Variants in PPP2R2B observed in about 807,000 individuals in gnomAD.
PPP2R2B encodes the protein serine/threonine-protein phosphatase 2A 55 kDa regulatory subunit B beta isoform.
In PPP2R2B, 5 loss-of-function variants were observed where a neutral mutation model predicts 46.0. The ratio of observed to expected loss-of-function variants is 0.11; its 90% confidence interval spans 0.06 to 0.23. The LOEUF is 0.23. Ranked by LOEUF, PPP2R2B falls within the 10% of genes least tolerant of loss-of-function variation. The pLI is 1.00. For synonymous variants in PPP2R2B, 215 were observed against 206.7 expected (o/e 1.04, Z -0.34); for missense variants, 367 against 575.0 (o/e 0.64, Z 3.70).
At chr5:147,018,808 G>A (rs552664200) in intron 1 of PPP2R2B, among the ~76,000 whole-genome samples, 1 of 152,092 alleles carries the variant, frequency 6.6e-6, no homozygotes, top group Non-Finnish European at 1.5e-5. Context: ...TCCTCCTGGT[G>A]CCAGACCCAA....
At chr5:147,062,366 C>T (rs1757284736) in intron 2 of PPP2R2B, among the ~76,000 whole-genome samples, 1 of 152,174 alleles carries the variant, frequency 6.6e-6, no homozygotes, top group Admixed American at 6.6e-5. Flanking sequence ...ATAAGAGCAA[C>T]CACCAAATCT....
At chr5:146,806,095 C>A (rs1004540763) in intron 2 of PPP2R2B, among the ~76,000 whole-genome samples, 1 of 152,122 alleles carries the variant, frequency 6.6e-6, no homozygotes, top group African/African-American at 2.4e-5. Flanking sequence ...TGGTGGATGA[C>A]AAAATGAACT....
chr5:146,691,136 T>C lies in PPP2R2B; in HGVS notation c.439A>G (p.Thr147Ala). 1 of 1,613,890 alleles carries C rather than the reference T, an allele frequency of 6.2e-7. No individual in the cohort carries two copies. Residue 147 changes from threonine (T) to alanine (A), a missense_variant, in exon 5 of 10, where the codon ACC (threonine) becomes GCC (alanine). Transcript: ENST00000394411. The part of the protein sequence containing the change: ...GRLRDPATIT[T>A]LRVPVLRPMD... ...CAGCTGTTTGCACTCACCCGCAGGG[T>C]TGTGATGGTGGCAGGATCCCGGAGC...
Position 146,589,148 on chromosome 5 carries a change from G to A in PPP2R2B, c.*799C>T, listed in dbSNP as rs1230240028. ...GGAACATGTAAGTAGAAGATTATATGGAGCCATTTAAGAGCACAAAAAGCA... is the reference window on the plus strand; with the variant it reads ...GGAACATGTAAGTAGAAGATTATATAGAGCCATTTAAGAGCACAAAAAGCA... On this transcript the variant is annotated 3_prime_UTR_variant, in exon 10 of 10. Coordinates refer to ENST00000394411, the MANE Select transcript of PPP2R2B (RefSeq NM_181675.4). The A allele has an allele frequency of 6.6e-6, 1 of 152,252 alleles. No individual in the cohort carries two copies. The highest frequency in any genetic ancestry group is 1.5e-5 in the Non-Finnish European group (1 of 68,094). 9.4% of individuals were successfully genotyped at this position (152,252 alleles called of 1,614,324 possible). A position where few individuals can be genotyped will look rare whatever the true frequency, so the allele number is the denominator to read the frequency against.
intron 1 of PPP2R2B, among the ~76,000 whole-genome samples, chr5:147,041,409 A>G (rs114419691): frequency 0.015 from 2,213 of 152,226 alleles, 25 homozygotes; most frequent in Non-Finnish European, 0.023. Context: ...GCTCTCTCCA[A>G]CTGAGACTTA....
At chr5:146,819,977 A>G (rs1299076916) in intron 2 of PPP2R2B, among the ~76,000 whole-genome samples, 1 of 152,200 alleles carries the variant, frequency 6.6e-6, no homozygotes, top group African/African-American at 2.4e-5. Flanking sequence ...CAGAAAGACA[A>G]ATAGGCACAC....
At chr5:146,761,106 C>CG (rs1754137701) in intron 2 of PPP2R2B, among the ~76,000 whole-genome samples, 1 of 152,086 alleles carries the variant, frequency 6.6e-6, no homozygotes, top group African/African-American at 2.4e-5. Flanking sequence ...GTCAGTGTGG[C>CG]GATTCCTCAG....
At chr5:146,941,746 G>A (rs1764331295) in intron 1 of PPP2R2B, among the ~76,000 whole-genome samples, 1 of 152,158 alleles carries the variant, frequency 6.6e-6, no homozygotes, top group African/African-American at 2.4e-5. Flanking sequence ...CATCTGTATA[G>A]TAAATGAAAT....
intron 1 of PPP2R2B, among the ~76,000 whole-genome samples, chr5:146,970,388 G>A (rs1039407803): frequency 8.5e-5 from 13 of 152,156 alleles, no homozygotes; most frequent in South Asian, 4.2e-4. Flanking sequence ...ATCATTTGAG[G>A]TCAAGAGTTC....
chr5:146,855,015 G>A (rs1760568273), intron 2 of PPP2R2B, among the ~76,000 whole-genome samples: 1 of 152,078 alleles, frequency 6.6e-6, no homozygotes. Context: ...AGGAGGAATA[G>A]GGGGCATAAA....
chr5:146,935,608 T>G (rs1396653681), intron 1 of PPP2R2B, among the ~76,000 whole-genome samples: 1 of 152,102 alleles, frequency 6.6e-6, no homozygotes, highest in Non-Finnish European at 1.5e-5. Context: ...AGGAAATATA[T>G]TCCCTGAAGT....
intron 1 of PPP2R2B, among the ~76,000 whole-genome samples, chr5:147,018,229 G>A (rs1026084086): frequency 2.0e-5 from 3 of 152,042 alleles, no homozygotes; most frequent in African/African-American, 7.2e-5. Flanking sequence ...GTATGACTTC[G>A]AAAGGCAGAA....
At chr5:146,631,910 A>C (rs557913580) in intron 7 of PPP2R2B, among the ~76,000 whole-genome samples, 1 of 151,070 alleles carries the variant, frequency 6.6e-6, no homozygotes, top group Non-Finnish European at 1.5e-5. Context: ...ACCTCTTTCC[A>C]CTCTTACCTC....
At chr5:146,639,715 A>G (rs1224270356) in intron 6 of PPP2R2B, among the ~76,000 whole-genome samples, 1 of 152,234 alleles carries the variant, frequency 6.6e-6, no homozygotes, top group Non-Finnish European at 1.5e-5. Flanking sequence ...ATCATCAGAT[A>G]GTACTTTTTA....
intron 1 of PPP2R2B, among the ~76,000 whole-genome samples, chr5:146,950,501 A>ATGG (rs1034054391): frequency 1.3e-5 from 2 of 152,232 alleles, no homozygotes; most frequent in African/African-American, 4.8e-5. Context: ...ACCTTGAAAT[A>ATGG]TGGTGACATT....
At chr5:147,071,264 C>G (rs1030736273) in intron 2 of PPP2R2B, among the ~76,000 whole-genome samples, 1 of 152,098 alleles carries the variant, frequency 6.6e-6, no homozygotes, top group Non-Finnish European at 1.5e-5. Flanking sequence ...TTTATCAGCT[C>G]TGGGGGCTCC....
chr5:146,774,698 C>T (rs947840111), intron 2 of PPP2R2B, among the ~76,000 whole-genome samples: 7 of 151,726 alleles, frequency 4.6e-5, no homozygotes, highest in African/African-American at 1.7e-4. Context: ...ATGCCAGTAG[C>T]CCCAGCTACT....
chr5:147,055,046 A>G (rs189536808), intron 1 of PPP2R2B, among the ~76,000 whole-genome samples: 1 of 152,338 alleles, frequency 6.6e-6, no homozygotes, highest in Admixed American at 6.5e-5. Flanking sequence ...AGAAAAAAAC[A>G]GGAAATGGGG....
intron 2 of PPP2R2B, among the ~76,000 whole-genome samples, chr5:146,733,864 A>G (rs1419913482): frequency 6.6e-6 from 1 of 152,202 alleles, no homozygotes; most frequent in Non-Finnish European, 1.5e-5. Flanking sequence ...AGTCATGACA[A>G]TAGCAGCAGC....
Sources: allele counts gnomAD v4.1 joint callset (sites outside exome capture counted in the v4.1 genomes callset), GRCh38; gene constraint gnomAD v4.1.1; transcripts MANE v1.5; gene names NCBI Gene and HGNC (gene_info 2026-07-23, HGNC 2026-07-21).